CCSER1: variants seen among roughly 807,000 people sequenced by gnomAD.
The protein encoded by CCSER1 is coiled-coil serine rich protein 1, also known as serine-rich coiled-coil domain-containing protein 1.
Under a neutral mutation model 82.0 loss-of-function variants are expected in CCSER1, and 41 were observed. The observed-to-expected ratio is 0.50, with a 90% confidence interval of 0.39 to 0.65. The LOEUF is 0.65. CCSER1 is among the 30% of genes least tolerant of loss of function. The pLI is 0.00. For synonymous variants in CCSER1, 414 were observed against 383.9 expected (o/e 1.08, Z -0.92); for missense variants, 1,119 against 1,064.2 (o/e 1.05, Z -0.72).
chr4:90,955,908 A>G lies in CCSER1; in HGVS notation c.2172+32461A>G, dbSNP rs183341435. On this transcript the variant is annotated intron_variant, in intron 9 of 10. Transcript: ENST00000509176. ...ATTCAATCTAAAGAAGCCAATCTAA[A>G]ATAGATACTCTCTCCCACATCACAC... is the stretch of plus-strand genomic sequence containing the variant. 3.3e-5 allele frequency among the ~76,000 whole-genome samples: 5 copies of G among 152,306 alleles called. No homozygotes were observed. The East Asian group carries it at 9.6e-4, about 29-fold the overall frequency.
At chr4:91,141,289 A>T (rs1729003534) in intron 10 of CCSER1, among the ~76,000 whole-genome samples, 1 of 151,654 alleles carries the variant, frequency 6.6e-6, no homozygotes, top group South Asian at 2.1e-4. Flanking sequence ...GAGTAGTTGG[A>T]ATTACAGGCA....
At chr4:90,339,752 G>GT (rs1741057190) in intron 3 of CCSER1, among the ~76,000 whole-genome samples, 1 of 151,990 alleles carries the variant, frequency 6.6e-6, no homozygotes, top group South Asian at 2.1e-4. Context: ...AGCAACTGCT[G>GT]TTTTTTTAAT....
At chr4:90,337,787 T>G (rs1324370469) in intron 3 of CCSER1, among the ~76,000 whole-genome samples, 2 of 152,280 alleles carry the variant, frequency 1.3e-5, no homozygotes, top group Admixed American at 1.3e-4. Flanking sequence ...ACCCATTATA[T>G]GTTAAATAAA....
intron 10 of CCSER1, among the ~76,000 whole-genome samples, chr4:91,218,337 T>C (rs1422544846): frequency 2.6e-5 from 4 of 152,174 alleles, no homozygotes; most frequent in Non-Finnish European, 5.9e-5. Flanking sequence ...CCCCGGTTCC[T>C]GCTCGTGCCT....
chr4:90,133,809 G>C (rs1005638318), intron 1 of CCSER1, among the ~76,000 whole-genome samples: 1 of 152,042 alleles, frequency 6.6e-6, no homozygotes, highest in Non-Finnish European at 1.5e-5. Context: ...TTGTATGATT[G>C]GTTCAGTATT....
At chr4:90,424,444 C>T (rs78175869) in intron 4 of CCSER1, among the ~76,000 whole-genome samples, 4,237 of 151,976 alleles carry the variant, frequency 0.028, 113 homozygotes, top group African/African-American at 0.074. Context: ...CTCAGTATAC[C>T]GCTAACTATA....
intron 7 of CCSER1, among the ~76,000 whole-genome samples, chr4:90,777,801 C>T (rs116652928): frequency 0.012 from 1,820 of 151,898 alleles, 39 homozygotes; most frequent in African/African-American, 0.042. Flanking sequence ...GAAATTAAAG[C>T]CAAACAGTCC....
At chr4:90,874,526 C>G (rs1766955802) in intron 8 of CCSER1, among the ~76,000 whole-genome samples, 1 of 152,066 alleles carries the variant, frequency 6.6e-6, no homozygotes, top group Admixed American at 6.6e-5. Context: ...CTGCATCTCA[C>G]CAGCTGCTGT....
intron 6 of CCSER1, among the ~76,000 whole-genome samples, chr4:90,655,088 T>G (rs1729469673): frequency 6.6e-6 from 1 of 152,090 alleles, no homozygotes; most frequent in African/African-American, 2.4e-5. Flanking sequence ...TTAATATCAC[T>G]ATATTAAAAA....
At chr4:90,962,641 G>T (rs370898823) in intron 9 of CCSER1, among the ~76,000 whole-genome samples, 3 of 152,020 alleles carry the variant, frequency 2.0e-5, no homozygotes, top group African/African-American at 7.2e-5. Context: ...AAAATCATTT[G>T]AAATGTGTAA....
At chr4:91,317,347 A>G (rs1398932670) in intron 10 of CCSER1, among the ~76,000 whole-genome samples, 1 of 151,858 alleles carries the variant, frequency 6.6e-6, no homozygotes, top group African/African-American at 2.4e-5. Flanking sequence ...AGATATCCCG[A>G]GGGCTAATTT....
chr4:91,342,485 C>A (rs1249482547), intron 10 of CCSER1, among the ~76,000 whole-genome samples: 2 of 152,094 alleles, frequency 1.3e-5, no homozygotes, highest in African/African-American at 2.4e-5. Flanking sequence ...AAGTGTTAAA[C>A]ATGTTGAAAT....
intron 9 of CCSER1, among the ~76,000 whole-genome samples, chr4:90,949,411 A>G (rs561193320): frequency 6.6e-6 from 1 of 152,144 alleles, no homozygotes; most frequent in African/African-American, 2.4e-5. Flanking sequence ...AAAACATATT[A>G]AACTGCTAAA....
chr4:91,472,177 CTT>C (rs1012109300), intron 10 of CCSER1, among the ~76,000 whole-genome samples: 1 of 152,026 alleles, frequency 6.6e-6, no homozygotes, highest in Non-Finnish European at 1.5e-5. Flanking sequence ...CAATTTGTGA[CTT>C]TGCCAACTGG....
chr4:91,276,895 C>A (rs998622138), intron 10 of CCSER1, among the ~76,000 whole-genome samples: 1 of 151,982 alleles, frequency 6.6e-6, no homozygotes, highest in African/African-American at 2.4e-5. Context: ...TGCTTTTTTA[C>A]AACTATTGAG....
intron 1 of CCSER1, among the ~76,000 whole-genome samples, chr4:90,138,650 G>C (rs1404425098): frequency 7.2e-5 from 11 of 152,094 alleles, no homozygotes; most frequent in African/African-American, 2.4e-4. Context: ...AGGAGAGTTG[G>C]TTTTGTCACT....
chr4:91,197,170 A>G (rs1026251382), intron 10 of CCSER1, among the ~76,000 whole-genome samples: 1 of 152,206 alleles, frequency 6.6e-6, no homozygotes, highest in African/African-American at 2.4e-5. Context: ...ACACCACCAA[A>G]GCTGCTGGCC....
chr4:90,746,137 T>C (rs183248252), intron 7 of CCSER1, among the ~76,000 whole-genome samples: 7 of 152,316 alleles, frequency 4.6e-5, no homozygotes, highest in Admixed American at 4.6e-4. Flanking sequence ...ACTTCTAATA[T>C]GGAACCATAA....
rs915049887 is a variant in CCSER1 at position 91,177,766 on chromosome 4, T to G, written c.2217+91772T>G. 2.0e-5 allele frequency among the ~76,000 whole-genome samples: 3 copies of G among 152,232 alleles called. No homozygotes were observed. The South Asian group carries it at 6.2e-4, about 32-fold the overall frequency. On this transcript the variant is annotated intron_variant, in intron 10 of 10. Coordinates refer to ENST00000509176, the MANE Select transcript of CCSER1 (RefSeq NM_001145065.2). ...TTTTGTTGATCTTTTCAAAAAACAA[T>G]CTCCTGGATTCATTGATTTTTTGAA...
Sources: gnomAD v4.1 joint callset for allele counts (sites outside exome capture counted in the v4.1 genomes callset) on GRCh38, gnomAD v4.1.1 for gene constraint, MANE v1.5 for transcripts, NCBI Gene and HGNC (gene_info 2026-07-23, HGNC 2026-07-21) for gene names.